Variants in TANC2 observed in about 807,000 individuals in gnomAD.
TANC2 encodes tetratricopeptide repeat, ankyrin repeat and coiled-coil containing 2.
TANC2 carries 26 observed loss-of-function variants against 210.5 expected under a neutral mutation model. The observed-to-expected ratio is 0.12, with a 90% CI of 0.09 to 0.17. TANC2 has a LOEUF of 0.17. Among genes scored for constraint, TANC2 ranks in the 10% least tolerant of loss-of-function variants. The probability of loss-of-function intolerance (pLI) is 1.00; values close to 1 mark genes in which losing one functional copy is unlikely to be tolerated. For missense variants in TANC2, 2,129 were observed against 2,608.9 expected (o/e 0.82, Z 4.01); for synonymous variants, 931 against 967.1 (o/e 0.96, Z 0.69).
In TANC2 at chr17:63,420,312, C is replaced by T. The variant is rs2048985492; in HGVS notation, c.4582C>T (p.Pro1528Ser). ...GGGGCTCCCGGTCATCCAGAGCCCA[C>T]CCTCCTCTCCCCCGCATCGGGACTC... Residue 1528 changes from proline to serine, a missense_variant, in exon 28 of 28, where the codon CCC becomes TCC. This residue lies in a region of TANC2 where 584 missense variants were observed against 627.3 expected (regional missense o/e 0.93). Coordinates refer to ENST00000689528, the Ensembl canonical transcript of TANC2. This position sits in a 1 kb window ranked among gnomAD's most constrained non-coding sequence, Gnocchi z 4.2. The T allele has an allele frequency of 2.5e-6, 4 of 1,613,848 alleles. No individual in the cohort carries two copies. The highest frequency in any genetic ancestry group is 2.5e-6 in the Non-Finnish European group (3 of 1,179,852).
intron 11 of TANC2, among the ~76,000 whole-genome samples, chr17:63,325,599 G>T (rs1330159530): frequency 6.6e-6 from 1 of 152,124 alleles, no homozygotes; most frequent in Non-Finnish European, 1.5e-5. Flanking sequence ...GGCAGACAGG[G>T]GTCATAGCTA....
At position 63,420,934 on chromosome 17, in the gene TANC2, T is replaced by C. The variant is rs200847109; in HGVS notation, c.5204T>C (p.Ile1735Thr). The C allele has an allele frequency of 2.7e-4, 441 of 1,613,768 alleles. 1 individual carries two copies. The highest frequency in any genetic ancestry group is 1.6e-4 in the Middle Eastern group (1 of 6,084). Reference sequence around the variant, plus strand: ...AAATACCAGTCTTCACAAGGAGACATAGGAGTCAGCCAGAGCCGGTTGGTT... The same window carrying C: ...AAATACCAGTCTTCACAAGGAGACACAGGAGTCAGCCAGAGCCGGTTGGTT... The change falls in exon 28 of 28, where the codon ATA (isoleucine) becomes ACA (threonine). Residue 1735 changes from isoleucine to threonine, a missense_variant. Around this residue, in one of 5 missense-constraint regions of TANC2, gnomAD observed 584 missense variants for 627.3 expected, o/e 0.93. Coordinates refer to ENST00000689528, the Ensembl canonical transcript of TANC2. The surrounding 1 kb of genome is among the most constrained non-coding windows in gnomAD (Gnocchi z 4.2).
intron 4 of TANC2, among the ~76,000 whole-genome samples, chr17:63,106,690 G>A (rs2037836639): frequency 6.6e-6 from 1 of 151,706 alleles, no homozygotes; most frequent in Admixed American, 6.6e-5. Flanking sequence ...CACCTAAAAG[G>A]CGGCATGAAT....
chr17:63,197,339 T>C (rs1034976917), intron 6 of TANC2, among the ~76,000 whole-genome samples: 1 of 152,206 alleles, frequency 6.6e-6, no homozygotes, highest in African/African-American at 2.4e-5. Flanking sequence ...AATGATAGCC[T>C]TCTTGCAGTA....
intron 21 of TANC2, 36 bp downstream of exon 21, chr17:63,406,313 T>G (rs753858052): frequency 6.2e-7 from 1 of 1,606,694 alleles, no homozygotes; most frequent in Non-Finnish European, 8.5e-7. Flanking sequence ...CTGGCCAGTT[T>G]CCATAATTAC....
At chr17:63,389,466 T>A in exon 17 of TANC2, 3 of 1,613,908 alleles carry the variant, frequency 1.9e-6, no homozygotes, top group Non-Finnish European at 2.5e-6. Context: ...CTTCTGAAAG[T>A]GGCCTGACTC....
In TANC2 at chr17:63,412,540, C is replaced by T; in HGVS notation, c.3899-140C>T. On this transcript the variant is annotated intron_variant, in intron 23 of 27. Coordinates refer to ENST00000689528, the Ensembl canonical transcript of TANC2. The surrounding 1 kb of genome is among the most constrained non-coding windows in gnomAD (Gnocchi z 4.2). ...CCCAGCTGCTCCCCAAGCCCACAGA[C>T]CTATAGACGAGGGTTGGCTGATATG... is the stretch of plus-strand genomic sequence containing the variant. 1 of 781,336 alleles carries T rather than the reference C, an allele frequency of 1.3e-6. No homozygotes were observed. 48.4% of individuals were successfully genotyped at this position (781,336 alleles called of 1,614,324 possible).
chr17:63,091,870 T>G (rs1445033143), intron 3 of TANC2, among the ~76,000 whole-genome samples: 1 of 152,202 alleles, frequency 6.6e-6, no homozygotes, highest in South Asian at 2.1e-4. Flanking sequence ...CATTTGTTTG[T>G]GTCCTCTTTT....
intron 4 of TANC2, among the ~76,000 whole-genome samples, chr17:63,120,125 T>G (rs1364523801): frequency 6.6e-6 from 1 of 152,148 alleles, no homozygotes; most frequent in African/African-American, 2.4e-5. Context: ...TATTAGCAGA[T>G]TTATTCATTT....
Position 63,214,411 on chromosome 17 carries a change from C to T in TANC2, c.769+13454C>T, listed in dbSNP as rs147736982. 4.2e-3 allele frequency among the ~76,000 whole-genome samples: 646 copies of T among 152,284 alleles called. 5 individuals are homozygous for T. The highest frequency in any genetic ancestry group is 0.015 in the African/African-American group (626 of 41,554). ...CAAATCGTTGTGAAGGCCACTTTGG[C>T]CAAACAACTGGCAGGTGACTATATC... On this transcript the variant is annotated intron_variant, in intron 7 of 27. Transcript: ENST00000689528.
intron 4 of TANC2, among the ~76,000 whole-genome samples, chr17:63,145,246 T>C (rs2145350131): frequency 6.6e-6 from 1 of 152,210 alleles, no homozygotes. Context: ...ATTTTAAACC[T>C]AACAGAGATC....
chr17:63,350,685 G>A (rs753202425), intron 12 of TANC2, among the ~76,000 whole-genome samples: 8 of 152,102 alleles, frequency 5.3e-5, no homozygotes, highest in Non-Finnish European at 1.0e-4. Context: ...TTGGGATCTA[G>A]CCACCTGGTT....
At chr17:63,211,480 A>AGG (rs1274274796) in intron 7 of TANC2, among the ~76,000 whole-genome samples, 1 of 151,716 alleles carries the variant, frequency 6.6e-6, no homozygotes, top group African/African-American at 2.4e-5. Flanking sequence ...CCAACATTAG[A>AGG]GGAGATAATA....
intron 7 of TANC2, among the ~76,000 whole-genome samples, chr17:63,220,147 T>C (rs1195954222): frequency 1.4e-5 from 2 of 146,464 alleles, no homozygotes; most frequent in East Asian, 4.2e-4. Flanking sequence ...ATACAAAAAT[T>C]AGTGGGGCAT....
intron 11 of TANC2, among the ~76,000 whole-genome samples, chr17:63,337,718 C>T (rs918465786): frequency 3.3e-5 from 5 of 151,870 alleles, no homozygotes; most frequent in African/African-American, 7.3e-5. Context: ...TTTCATCACC[C>T]GGGCATTAAG....
rs1599089564 is a variant in TANC2 at position 63,418,766 on chromosome 17, G to A, written c.4268+359G>A. ...CACTTAAGCAGAGCACCCCACCCCC[G>A]CTTTAGAGGGAAAGTAGGATGGTTC... On this transcript the variant is annotated intron_variant, in intron 27 of 27. Transcript: ENST00000689528. The surrounding 1 kb of genome is among the most constrained non-coding windows in gnomAD (Gnocchi z 4.6). Among the ~76,000 whole-genome samples the A allele has an allele frequency of 6.6e-6, 1 of 152,136 alleles. No individual in the cohort carries two copies. The highest frequency in any genetic ancestry group is 1.5e-5 in the Non-Finnish European group (1 of 68,028).
intron 14 of TANC2, among the ~76,000 whole-genome samples, chr17:63,367,887 C>A (rs1167433465): frequency 6.6e-6 from 1 of 152,122 alleles, no homozygotes; most frequent in African/African-American, 2.4e-5. Flanking sequence ...CCTCTGTAGC[C>A]TTTTGAGAAG....
At chr17:63,177,626 A>G (rs2040634604) in intron 5 of TANC2, among the ~76,000 whole-genome samples, 1 of 152,204 alleles carries the variant, frequency 6.6e-6, no homozygotes, top group African/African-American at 2.4e-5. Flanking sequence ...TAAAAAACTC[A>G]TGGGCTTGCA....
Position 63,421,599 on chromosome 17 carries a change from G to C in TANC2, c.5869G>C (p.Val1957Leu), listed in dbSNP as rs755364335. The C allele has an allele frequency of 2.5e-5, 41 of 1,613,974 alleles. No homozygotes were observed. The Middle Eastern group carries it at 1.2e-3, about 45-fold the overall frequency. ...GAATCGGACCTGGGCAGTGTCATCT[G>C]TGGACACCGTCCTCAGTCCCACGTC... Residue 1957 changes from valine (V) to leucine (L), a missense_variant, in exon 28 of 28, where the codon GTG (valine) becomes CTG (leucine). Transcript: ENST00000689528. The surrounding 1 kb of genome is among the most constrained non-coding windows in gnomAD (Gnocchi z 6.9).
Sources: gnomAD v4.1 joint callset for allele counts (sites outside exome capture counted in the v4.1 genomes callset) on GRCh38, gnomAD v4.1.1 for gene constraint, gnomAD v4.1.1 regional missense constraint, Gnocchi (gnomAD v3.1) non-coding constraint, MANE v1.5 for transcripts, NCBI Gene and HGNC (gene_info 2026-07-23, HGNC 2026-07-21) for gene names.